The following HTR2C variants were observed in gnomAD, a reference collection of about 807,000 sequenced individuals.
The protein encoded by HTR2C is 5-hydroxytryptamine receptor 2C, also known as 5-hydroxytryptamine (serotonin) receptor 2C, G protein-coupled.
Under a neutral mutation model 21.0 loss-of-function variants are expected in HTR2C, and 5 were observed. The observed-to-expected ratio is 0.24, with a 90% CI of 0.12 to 0.50. The LOEUF is 0.50. HTR2C is among the 20% of genes least tolerant of loss of function. The pLI is 0.98. For missense variants in HTR2C, 271 were observed against 371.2 expected (o/e 0.73, Z 2.22); for synonymous variants, 150 against 145.3 (o/e 1.03, Z -0.23).
intron 4 of HTR2C, chrX:114,823,709 C>T (rs1158137866): frequency 7.7e-6 from 2 of 261,240 alleles, no homozygotes; most frequent in Non-Finnish European, 1.5e-5. Flanking sequence ...CTGCTATGAC[C>T]TTGGCTCATA....
chrX:114,854,670 A>G (rs2070944888), intron 5 of HTR2C, among the ~76,000 whole-genome samples: 2 of 111,800 alleles, frequency 1.8e-5, no homozygotes, highest in African/African-American at 6.5e-5. Flanking sequence ...GGCCTAGGCA[A>G]AAATTCGTGA....
chrX:114,752,277 A>G (rs1305841138), intron 4 of HTR2C, among the ~76,000 whole-genome samples: 1 of 112,072 alleles, frequency 8.9e-6, no homozygotes, highest in Non-Finnish European at 1.9e-5. Context: ...AAATCAGAAA[A>G]ATATTCAAAT....
chrX:114,663,002 A>T (rs782508316), intron 2 of HTR2C, among the ~76,000 whole-genome samples: 1 of 111,640 alleles, frequency 9.0e-6, no homozygotes, highest in Non-Finnish European at 1.9e-5. Context: ...ATTTAGGTGT[A>T]TTATTGTAAA....
intron 4 of HTR2C, chrX:114,774,919 A>G (rs1556438240): frequency 1.1e-5 from 6 of 539,844 alleles, no homozygotes; most frequent in Non-Finnish European, 2.0e-5. Context: ...TCCTCCAGGC[A>G]TGCCTCCTGC....
chrX:114,716,292 T>C (rs1182233455), intron 2 of HTR2C, among the ~76,000 whole-genome samples: 1 of 112,714 alleles, frequency 8.9e-6, no homozygotes, highest in Non-Finnish European at 1.9e-5. Flanking sequence ...TAAAGTATTA[T>C]TTTATGTAAA....
At chrX:114,655,497 A>G (rs781916758) in intron 2 of HTR2C, among the ~76,000 whole-genome samples, 2 of 112,151 alleles carry the variant, frequency 1.8e-5, no homozygotes, top group African/African-American at 6.4e-5. Flanking sequence ...TGTTCATTTT[A>G]AAGTTGTCAA....
intron 1 of HTR2C, among the ~76,000 whole-genome samples, chrX:114,606,695 T>C (rs1928452890): frequency 9.0e-6 from 1 of 111,704 alleles, no homozygotes; most frequent in Admixed American, 9.4e-5. Context: ...TCTGAGGACA[T>C]GAGGTCATAG....
At chrX:114,785,686 A>G (rs1556441948) in intron 4 of HTR2C, among the ~76,000 whole-genome samples, 4 of 112,205 alleles carry the variant, frequency 3.6e-5, no homozygotes. Flanking sequence ...GGATTTCAGA[A>G]AATGATATAG....
chrX:114,815,699 G>T (rs782509202), intron 4 of HTR2C, among the ~76,000 whole-genome samples: 18 of 111,377 alleles, frequency 1.6e-4, no homozygotes, highest in African/African-American at 5.5e-4. Flanking sequence ...TGGCAGAGGA[G>T]AAAGTATAGT....
chrX:114,659,804 G>C (rs1556409845), intron 2 of HTR2C, among the ~76,000 whole-genome samples: 1 of 111,167 alleles, frequency 9.0e-6, no homozygotes, highest in Admixed American at 9.6e-5. Flanking sequence ...TTAGTTGATA[G>C]TTATCTTCCA....
chrX:114,833,583 T>C (rs2070750815), intron 4 of HTR2C, among the ~76,000 whole-genome samples: 1 of 110,877 alleles, frequency 9.0e-6, no homozygotes, highest in African/African-American at 3.3e-5. Flanking sequence ...TATTTGATTC[T>C]TCTCTCTTTT....
At chrX:114,752,764 T>C (rs2069773022) in intron 4 of HTR2C, among the ~76,000 whole-genome samples, 1 of 110,822 alleles carries the variant, frequency 9.0e-6, no homozygotes, top group South Asian at 3.9e-4. Context: ...CCCCTTCTTT[T>C]TGTCACTCCC....
At chrX:114,589,605 A>G (rs17260565) in intron 1 of HTR2C, 23,073 of 166,969 alleles carry the variant, frequency 0.14, 1,323 homozygotes, top group South Asian at 0.27. Flanking sequence ...CCGTACCGAT[A>G]GTGCTCCCGA....
intron 2 of HTR2C, among the ~76,000 whole-genome samples, chrX:114,632,206 T>G (rs1431855612): frequency 1.8e-5 from 2 of 111,906 alleles, no homozygotes; most frequent in Non-Finnish European, 3.8e-5. Context: ...TAGAAAAGAT[T>G]AGTTTGAATC....
intron 2 of HTR2C, among the ~76,000 whole-genome samples, chrX:114,645,319 C>T (rs997256486): frequency 4.5e-5 from 5 of 110,491 alleles, no homozygotes; most frequent in Non-Finnish European, 9.5e-5. Context: ...AAAAAAGTGC[C>T]TCAAGAAAAC....
chrX:114,634,897 G>A lies in HTR2C; in HGVS notation c.-80+21016G>A, dbSNP rs1444411767. ...TGCTTTAGAAATAATTTCATTCAGT[G>A]TAATCTGTAAATTGAAACAATATCC... On this transcript the variant is annotated intron_variant, in intron 2 of 5. Coordinates refer to ENST00000276198, the MANE Select transcript of HTR2C (RefSeq NM_000868.4). 3.6e-5 allele frequency among the ~76,000 whole-genome samples: 4 copies of A among 112,169 alleles called. No homozygotes were observed. The East Asian group carries it at 8.4e-4, about 23-fold the overall frequency.
intron 4 of HTR2C, among the ~76,000 whole-genome samples, chrX:114,834,529 C>T (rs1556462749): frequency 9.0e-6 from 1 of 110,776 alleles, no homozygotes; most frequent in East Asian, 2.9e-4. Context: ...GCAACCCCTG[C>T]TTTTCTTTTT....
chrX:114,860,733 T>C (rs2071000250), intron 5 of HTR2C, among the ~76,000 whole-genome samples: 1 of 110,209 alleles, frequency 9.1e-6, no homozygotes, highest in African/African-American at 3.3e-5. Context: ...TATTACAATG[T>C]GCATAAACCC....
At chrX:114,771,038 G>C (rs2069997573) in intron 4 of HTR2C, among the ~76,000 whole-genome samples, 1 of 111,035 alleles carries the variant, frequency 9.0e-6, no homozygotes, top group Non-Finnish European at 1.9e-5. Flanking sequence ...CTGACCTCAA[G>C]TGATCCACCC....
Sources: allele counts gnomAD v4.1 joint callset (sites outside exome capture counted in the v4.1 genomes callset), GRCh38; gene constraint gnomAD v4.1.1; transcripts MANE v1.5; gene names NCBI Gene and HGNC (gene_info 2026-07-23, HGNC 2026-07-21).